SDF4: variants seen among roughly 807,000 people sequenced by gnomAD.
The protein encoded by SDF4 is stromal cell derived factor 4.
A neutral mutation model predicts 34.2 loss-of-function variants in SDF4; 22 were observed. That is an observed-to-expected ratio of 0.64 (90% CI 0.46 to 0.92). SDF4 has a LOEUF of 0.92. SDF4 is among the 40% of genes least tolerant of loss of function. The pLI is 0.00. For missense variants in SDF4, 447 were observed against 499.9 expected (o/e 0.89, Z 1.01); for synonymous variants, 236 against 203.1 (o/e 1.16, Z -1.38).
chr1:1,219,192 A>G, intron 4 of SDF4: 2 of 1,297,466 alleles, frequency 1.5e-6, no homozygotes, highest in South Asian at 3.0e-5. Flanking sequence ...GGACTCCCCA[A>G]GACAGCCTGG....
At position 1,217,319 on chromosome 1, in the gene SDF4, G is replaced by T; in HGVS notation, c.*193C>A. The T allele has an allele frequency of 3.3e-6, 1 of 301,852 alleles. No homozygotes were observed. The highest frequency in any genetic ancestry group is 5.6e-6 in the Non-Finnish European group (1 of 177,224). 18.7% of individuals were successfully genotyped at this position (301,852 alleles called of 1,614,324 possible). A position where few individuals can be genotyped will look rare whatever the true frequency, so the allele number is the denominator to read the frequency against. Reference sequence around the variant, plus strand: ...CAGCCCAGCCCCGCGCCCCGACCGCGTCACAGCCAAAGCCCCGCCGGGGTG... The same window carrying T: ...CAGCCCAGCCCCGCGCCCCGACCGCTTCACAGCCAAAGCCCCGCCGGGGTG... On this transcript the variant is annotated 3_prime_UTR_variant, in exon 7 of 7. Coordinates refer to ENST00000360001, the MANE Select transcript of SDF4 (RefSeq NM_016176.6). This position sits in a 1 kb window ranked among gnomAD's most constrained non-coding sequence, Gnocchi z 8.5.
At chr1:1,231,116 C>T (rs1338964588) in intron 1 of SDF4, among the ~76,000 whole-genome samples, 1 of 152,186 alleles carries the variant, frequency 6.6e-6, no homozygotes, top group Non-Finnish European at 1.5e-5. Context: ...TAAAAAGTAA[C>T]CCAAAAGTAA....
At chr1:1,229,089 C>G (rs934812219) in intron 1 of SDF4, 143 bp from the exon 2 acceptor site, 1 of 401,740 alleles carries the variant, frequency 2.5e-6, no homozygotes, top group African/African-American at 2.5e-5. Flanking sequence ...GTGGCACTGC[C>G]TTCTCCAGAC....
Position 1,218,401 on chromosome 1 carries a change from C to T in SDF4, c.891+57G>A, listed in dbSNP as rs1649665336. 1.9e-6 allele frequency: 3 copies of T among 1,563,864 alleles called. No homozygotes were observed. The East Asian group carries it at 6.7e-5, about 35-fold the overall frequency. ...GCCTCAGGCCCAGATCCACCAGCCCCTCCCGCCACAGCACCTCGCAGGGCC... is the reference window on the plus strand; with the variant it reads ...GCCTCAGGCCCAGATCCACCAGCCCTTCCCGCCACAGCACCTCGCAGGGCC... On this transcript the variant is annotated intron_variant, in intron 6 of 6. Transcript: ENST00000360001. The surrounding 1 kb of genome is among the most constrained non-coding windows in gnomAD (Gnocchi z 7.9).
intron 1 of SDF4, 47 bp from the exon 2 acceptor site, chr1:1,228,993 T>G (rs1638407101): frequency 1.7e-6 from 1 of 583,018 alleles, no homozygotes; most frequent in African/African-American, 1.9e-5. Flanking sequence ...AGCAAAGACT[T>G]CCCCAAGCAC....
intron 3 of SDF4, 53 bp downstream of exon 3, chr1:1,223,779 T>G (rs894403575): frequency 7.6e-6 from 6 of 784,620 alleles, no homozygotes; most frequent in African/African-American, 1.7e-5. Flanking sequence ...GCAAGGCCCA[T>G]GGCCCTGCCC....
At chr1:1,225,523 C>T (rs879297951) in intron 2 of SDF4, among the ~76,000 whole-genome samples, 12 of 152,232 alleles carry the variant, frequency 7.9e-5, no homozygotes, top group Non-Finnish European at 1.8e-4. Flanking sequence ...CCTCAGCAGC[C>T]GCAGCAGCCC....
intron 1 of SDF4, among the ~76,000 whole-genome samples, chr1:1,231,261 C>G (rs1638484320): frequency 1.3e-5 from 2 of 152,250 alleles, no homozygotes; most frequent in East Asian, 1.9e-4. Flanking sequence ...TTCGCCATCC[C>G]CTAGCAGCTC....
chr1:1,230,527 C>CT (rs1390275210), intron 1 of SDF4, among the ~76,000 whole-genome samples: 1 of 151,610 alleles, frequency 6.6e-6, no homozygotes, highest in Non-Finnish European at 1.5e-5. Flanking sequence ...GTGGTGCAGT[C>CT]TCGGCTCACT....
chr1:1,219,211 C>CG, intron 4 of SDF4: 1 of 1,251,484 alleles, frequency 8.0e-7, no homozygotes, highest in Non-Finnish European at 1.0e-6. Flanking sequence ...GGACCCCCCC[C>CG]TGCCCCAGAC....
chr1:1,220,765 G>A (rs886406515), intron 4 of SDF4: 1 of 1,289,020 alleles, frequency 7.8e-7, no homozygotes, highest in Non-Finnish European at 1.0e-6. Context: ...GTGGCACCAA[G>A]GAAAGACAGA....
chr1:1,219,457 G>C, intron 4 of SDF4: 1 of 1,005,934 alleles, frequency 9.9e-7, no homozygotes, highest in Non-Finnish European at 1.2e-6. Context: ...CACCCTGAAG[G>C]CTGACGTGCG....
chr1:1,227,501 G>A (rs574756540), intron 2 of SDF4, among the ~76,000 whole-genome samples: 1 of 152,040 alleles, frequency 6.6e-6, no homozygotes, highest in African/African-American at 2.4e-5. Context: ...GCCCTGCGGC[G>A]GGGGCTGCCT....
Position 1,218,836 on chromosome 1 carries a change from C to G in SDF4, c.648G>C (p.Ser216=), listed in dbSNP as rs771187951. 1.2e-6 allele frequency: 2 copies of G among 1,601,626 alleles called. No individual in the cohort carries two copies. The highest frequency in any genetic ancestry group is 3.4e-5 in the Admixed American group (2 of 59,382). The change falls in exon 5 of 7, where the codon TCG becomes TCC. Residue 216 remains serine, a synonymous_variant. Transcript: ENST00000360001. The surrounding 1 kb of genome is among the most constrained non-coding windows in gnomAD (Gnocchi z 7.9). ...DLLLTEEEFL[S]FLHPEHSRGM... ...CCCGGCTGTGCTCGGGGTGGAGGAA[C>G]GACAGGAACTCCTCCTCCGTCAGCA... is the stretch of plus-strand genomic sequence containing the variant.
chr1:1,223,860 G>A lies in SDF4; in HGVS notation c.414C>T (p.His138=), dbSNP rs758514243. 4 of 1,590,090 alleles carry A rather than the reference G, an allele frequency of 2.5e-6. No homozygotes were observed. Among genetic ancestry groups the A allele is most frequent in the Admixed American group, 1.7e-5 (1 of 59,082 alleles). ...CCCCGTCAGGGTCCACGGCGCGGAAGTGTGTCTTGCTCTCCTCCATGGCCT... is the reference window on the plus strand; with the variant it reads ...CCCCGTCAGGGTCCACGGCGCGGAAATGTGTCTTGCTCTCCTCCATGGCCT... ...FQEAMEESKT[H]FRAVDPDGDG... Residue 138 remains histidine, a synonymous_variant, in exon 3 of 7, where the codon CAC becomes CAT. Transcript: ENST00000360001.
intron 2 of SDF4, among the ~76,000 whole-genome samples, chr1:1,226,282 A>G (rs1638304530): frequency 6.6e-6 from 1 of 152,194 alleles, no homozygotes; most frequent in African/African-American, 2.4e-5. Flanking sequence ...GAAGCTCAAA[A>G]GCCCCTAGGA....
At chr1:1,219,701 A>C in intron 4 of SDF4, 4 of 986,008 alleles carry the variant, frequency 4.1e-6, no homozygotes, top group Non-Finnish European at 4.8e-6. Flanking sequence ...CATCCCAAGG[A>C]CCCAAGCCAC....
intron 2 of SDF4, among the ~76,000 whole-genome samples, chr1:1,226,072 C>T (rs1384374712): frequency 6.6e-6 from 1 of 152,242 alleles, no homozygotes; most frequent in African/African-American, 2.4e-5. Context: ...AGTTCTGGCT[C>T]CTGAGAGAAC....
In SDF4 at chr1:1,218,264, C is replaced by T. The variant is rs368683067; in HGVS notation, c.891+194G>A. On this transcript the variant is annotated intron_variant, in intron 6 of 6. Transcript: ENST00000360001. The surrounding 1 kb of genome is among the most constrained non-coding windows in gnomAD (Gnocchi z 7.9). Reference sequence around the variant, plus strand: ...CGGCCAGGCTCGCCTGTCTCTGATCCGTCTGAACCTAAACGCCAACAACGG... The same window carrying T: ...CGGCCAGGCTCGCCTGTCTCTGATCTGTCTGAACCTAAACGCCAACAACGG... Among the ~76,000 whole-genome samples the T allele has an allele frequency of 6.6e-6, 1 of 152,176 alleles. No homozygotes were observed. Among genetic ancestry groups the T allele is most frequent in the East Asian group, 1.9e-4 (1 of 5,168 alleles).
Sources: gnomAD v4.1 joint callset for allele counts (sites outside exome capture counted in the v4.1 genomes callset) on GRCh38, gnomAD v4.1.1 for gene constraint, Gnocchi (gnomAD v3.1) non-coding constraint, MANE v1.5 for transcripts, NCBI Gene and HGNC (gene_info 2026-07-23, HGNC 2026-07-21) for gene names.